HSF5: variants seen among roughly 807,000 people sequenced by gnomAD.
HSF5 encodes heat shock transcription factor 5.
A neutral mutation model predicts 50.8 loss-of-function variants in HSF5; 5 were observed. The ratio of observed to expected loss-of-function variants is 0.10; its 90% CI spans 0.05 to 0.21. The LOEUF is 0.21. Among genes scored for constraint, HSF5 ranks in the 10% least tolerant of loss-of-function variants. HSF5 has a pLI of 1.00. For synonymous variants in HSF5, 307 were observed against 307.4 expected, an observed-to-expected ratio of 1.00 and a Z score of 0.02; for missense variants, 564 against 762.6, an observed-to-expected ratio of 0.74 and a Z score of 3.07.
At chr17:58,458,669 A>G in intron 5 of HSF5, 99 bp downstream of exon 5, 1 of 947,620 alleles carries the variant, frequency 1.1e-6, no homozygotes, top group South Asian at 1.8e-5. Flanking sequence ...GTCTAATACA[A>G]TTATGAATAA....
intron 1 of HSF5, among the ~76,000 whole-genome samples, chr17:58,484,606 C>T (rs1975143685): frequency 6.6e-6 from 1 of 151,756 alleles, no homozygotes; most frequent in African/African-American, 2.4e-5. Flanking sequence ...AAAAAAAATC[C>T]ATGTCAGAGA....
intron 5 of HSF5, among the ~76,000 whole-genome samples, chr17:58,453,044 A>C (rs944460243): frequency 6.6e-6 from 1 of 152,038 alleles, no homozygotes; most frequent in Non-Finnish European, 1.5e-5. Context: ...CAAAACAAAC[A>C]AACAAAAAGT....
At chr17:58,465,824 G>A (rs142648453) in intron 3 of HSF5, among the ~76,000 whole-genome samples, 62 of 152,088 alleles carry the variant, frequency 4.1e-4, no homozygotes, top group Non-Finnish European at 7.2e-4. Flanking sequence ...TATATAAAAC[G>A]TTTAACTCCA....
At chr17:58,422,470 G>C in intron 5 of HSF5, 40 bp from the exon 6 acceptor site, 1 of 1,532,040 alleles carries the variant, frequency 6.5e-7, no homozygotes, top group Non-Finnish European at 9.0e-7. Context: ...TAGCCTCTCT[G>C]TAGAGTTCTA....
At chr17:58,446,381 C>T (rs567420608) in intron 5 of HSF5, among the ~76,000 whole-genome samples, 7 of 152,146 alleles carry the variant, frequency 4.6e-5, no homozygotes, top group Non-Finnish European at 1.0e-4. Context: ...CCCAACCCCA[C>T]GCAATGCAGC....
At position 58,422,393 on chromosome 17, in the gene HSF5, C is replaced by A; in HGVS notation, c.1758G>T (p.Glu586Asp). 6.2e-7 allele frequency: 1 copy of A among 1,614,112 alleles called. No homozygotes were observed. Among genetic ancestry groups the A allele is most frequent in the Middle Eastern group, 1.6e-4 (1 of 6,062 alleles). ...TTAATTCTTCCTCCTTTGGAAAGCGCTCCTGCTTGCAGGCCACGTCCACCA... is the reference window on the plus strand; with the variant it reads ...TTAATTCTTCCTCCTTTGGAAAGCGATCCTGCTTGCAGGCCACGTCCACCA... ...HLLVDVACKQ[E>D]RFPKEEELKE The change falls in exon 6 of 6, where the codon GAG (glutamate) becomes GAT (aspartate). Residue 586 changes from glutamate to aspartate, a missense_variant. Around this residue, in one of 5 missense-constraint regions of HSF5, gnomAD observed 441 missense variants for 533.6 expected, o/e 0.83. Coordinates refer to ENST00000323777, the MANE Select transcript of HSF5 (RefSeq NM_001080439.3).
At chr17:58,476,052 C>A in intron 2 of HSF5, 6 of 449,998 alleles carry the variant, frequency 1.3e-5, no homozygotes, top group Middle Eastern at 6.9e-4. Flanking sequence ...AAAACAAAAC[C>A]AAAAAAACCT....
At position 58,420,932 on chromosome 17, in the gene HSF5, A is replaced by T. The variant is rs1417965472; in HGVS notation, c.*1428T>A. On this transcript the variant is annotated 3_prime_UTR_variant, in exon 6 of 6. Coordinates refer to ENST00000323777, the MANE Select transcript of HSF5 (RefSeq NM_001080439.3). ...AAGGCACAATGCAGTATAAGAAATGAACTGTTACATCCACAACGGCTAGCA... is the reference window on the plus strand; with the variant it reads ...AAGGCACAATGCAGTATAAGAAATGTACTGTTACATCCACAACGGCTAGCA... 6.6e-6 allele frequency: 1 copy of T among 152,642 alleles called. No individual in the cohort carries two copies. Among genetic ancestry groups the T allele is most frequent in the African/African-American group, 2.4e-5 (1 of 41,468 alleles). The allele number at this position is 152,642 out of a possible 1,614,324, so 9.5% of individuals were successfully genotyped here.
At chr17:58,435,884 G>A (rs964868810) in intron 5 of HSF5, among the ~76,000 whole-genome samples, 1 of 138,938 alleles carries the variant, frequency 7.2e-6, no homozygotes, top group Non-Finnish European at 1.5e-5. Flanking sequence ...GGGCGACAGA[G>A]CGAGACTCCA....
At chr17:58,477,595 G>A (rs2143802528) in intron 2 of HSF5, among the ~76,000 whole-genome samples, 1 of 152,042 alleles carries the variant, frequency 6.6e-6, no homozygotes, top group Non-Finnish European at 1.5e-5. Context: ...CAGTAGCTGG[G>A]ACTACAGGTG....
intron 4 of HSF5, among the ~76,000 whole-genome samples, chr17:58,459,251 G>A (rs1974757613): frequency 1.3e-5 from 2 of 151,636 alleles, no homozygotes; most frequent in Admixed American, 6.6e-5. Flanking sequence ...TTGTCCAGGC[G>A]GGAGTACAGT....
intron 2 of HSF5, among the ~76,000 whole-genome samples, 182 bp from the exon 3 acceptor site, chr17:58,467,161 A>G (rs1974878927): frequency 6.6e-6 from 1 of 152,208 alleles, no homozygotes; most frequent in African/African-American, 2.4e-5. Flanking sequence ...ACAGTAACAA[A>G]ATAATTTTAA....
In HSF5 at chr17:58,487,832, G is replaced by T; in HGVS notation, c.443C>A (p.Pro148Gln). 1 of 1,580,222 alleles carries T rather than the reference G, an allele frequency of 6.3e-7. No individual in the cohort carries two copies. The highest frequency in any genetic ancestry group is 1.1e-5 in the South Asian group (1 of 88,212). The change falls in exon 1 of 6, where the codon CCG becomes CAG. Residue 148 changes from proline (P) to glutamine (Q), a missense_variant. Physicochemically the swap from Pro to Gln is moderately conservative, Grantham distance 76. Around this residue, in one of 5 missense-constraint regions of HSF5, gnomAD observed 21 missense variants for 75.9 expected, o/e 0.28. Transcript: ENST00000323777. Reference protein sequence around the residue: ...LAAGLEVPCRPPNRFQRLLIT... With the variant: ...LAAGLEVPCRQPNRFQRLLIT... Reference sequence around the variant, plus strand: ...GAGCAGCCGCTGGAAGCGGTTGGGCGGGCGGCAGGGCACCTCCAGGCCGGC... The same window carrying T: ...GAGCAGCCGCTGGAAGCGGTTGGGCTGGCGGCAGGGCACCTCCAGGCCGGC...
At chr17:58,461,785 G>A (rs1334524019) in intron 4 of HSF5, among the ~76,000 whole-genome samples, 4 of 151,890 alleles carry the variant, frequency 2.6e-5, no homozygotes, top group Non-Finnish European at 5.9e-5. Flanking sequence ...CAGGAGAATC[G>A]TTTGAACCCA....
chr17:58,440,114 T>C (rs766122264), intron 5 of HSF5, among the ~76,000 whole-genome samples: 16 of 150,724 alleles, frequency 1.1e-4, no homozygotes, highest in Non-Finnish European at 2.2e-4. Context: ...CAAAAGGTAA[T>C]GAGATAGTAA....
intron 5 of HSF5, among the ~76,000 whole-genome samples, chr17:58,440,157 G>C (rs1974480959): frequency 1.3e-5 from 2 of 152,096 alleles, no homozygotes. Context: ...GGTGAGAGTG[G>C]GGATCCAGAG....
rs752620471 is a variant in HSF5 at position 58,463,057 on chromosome 17, CAGA to C, written c.1264_1266del (p.Ser422del). 2.8e-4 allele frequency: 460 copies of C among 1,614,166 alleles called. No individual in the cohort carries two copies. Among genetic ancestry groups the C allele is most frequent in the Non-Finnish European group, 3.7e-4 (442 of 1,180,024 alleles). On this transcript the variant is annotated inframe_deletion, in exon 4 of 6. Transcript: ENST00000323777. ...GGCTCCAGCTGGCTAGCCTGACTTG[CAGA>C]ACATGGATTGCTGTTGTTAGAATTA...
At chr17:58,483,113 C>T (rs1342992895) in intron 1 of HSF5, among the ~76,000 whole-genome samples, 1 of 39,518 alleles carries the variant, frequency 2.5e-5, no homozygotes, top group African/African-American at 2.5e-4. Context: ...CTGGGATGCT[C>T]GCAGTCAACA....
At chr17:58,484,903 T>C (rs989042472) in intron 1 of HSF5, among the ~76,000 whole-genome samples, 1 of 152,158 alleles carries the variant, frequency 6.6e-6, no homozygotes, top group Non-Finnish European at 1.5e-5. Flanking sequence ...TGTTATTTTA[T>C]TTGTACATTT....
Sources: allele counts gnomAD v4.1 joint callset (sites outside exome capture counted in the v4.1 genomes callset), GRCh38; gene constraint gnomAD v4.1.1; regional missense constraint gnomAD v4.1.1; transcripts MANE v1.5; gene names NCBI Gene and HGNC (gene_info 2026-07-23, HGNC 2026-07-21).